The following GSPT1 variants were observed in gnomAD, a reference collection of about 807,000 sequenced individuals.
The protein encoded by GSPT1 is eukaryotic peptide chain release factor GTP-binding subunit ERF3A.
In GSPT1, 20 loss-of-function variants were observed where a neutral mutation model predicts 72.5. The ratio of observed to expected loss-of-function variants is 0.28; its 90% CI spans 0.19 to 0.40. The LOEUF (loss-of-function observed/expected upper bound fraction) is 0.40, where lower values mean the gene tolerates loss of function less well. Among genes scored for constraint, GSPT1 ranks in the 10% least tolerant of loss-of-function variants. The probability of loss-of-function intolerance (pLI) is 1.00; values close to 1 mark genes in which losing one functional copy is unlikely to be tolerated. For synonymous variants in GSPT1, 334 were observed against 293.5 expected (o/e 1.14, Z -1.41); for missense variants, 580 against 811.9 (o/e 0.71, Z 3.47).
At chr16:11,911,304 C>T (rs1019094202) in intron 1 of GSPT1, among the ~76,000 whole-genome samples, 1 of 152,192 alleles carries the variant, frequency 6.6e-6, no homozygotes, top group African/African-American at 2.4e-5. Flanking sequence ...CAGCTTAAAA[C>T]TGAGAATATT....
rs775362322 is a variant in GSPT1 at position 11,902,404 on chromosome 16, C to CAAA, written c.353-4372_353-4370dup. Among the ~76,000 whole-genome samples, 127 of 61,360 alleles carry CAAA rather than the reference C, an allele frequency of 2.1e-3. 2 individuals are homozygous for CAAA. Among genetic ancestry groups the CAAA allele is most frequent in the African/African-American group, 5.8e-3 (86 of 14,924 alleles). The allele number at this position is 61,360 out of a possible 152,430, so 40.3% of individuals were successfully genotyped here. A position where few individuals can be genotyped will look rare whatever the true frequency, so the allele number is the denominator to read the frequency against. On this transcript the variant is annotated intron_variant, in intron 1 of 14. Transcript: ENST00000434724. ...AAACAGACAGAGCAGGACTCTGTCT[C>CAAA]AAAAAAAAAAAAAAAAAAAAAAGAG...
At position 11,915,873 on chromosome 16, in the gene GSPT1, C is replaced by T; in HGVS notation, c.-153G>A. On this transcript the variant is annotated 5_prime_UTR_variant, in exon 1 of 15. Transcript: ENST00000434724. ...AAGATCCCCGGCGTCGCCGCGGCAG[C>T]AGCTCCAGTCCCGACTCCACACTCG... is the stretch of plus-strand genomic sequence containing the variant. 1 of 1,160,054 alleles carries T rather than the reference C, an allele frequency of 8.6e-7. No individual in the cohort carries two copies. The highest frequency in any genetic ancestry group is 1.3e-6 in the Non-Finnish European group (1 of 786,094). The allele number at this position is 1,160,054 out of a possible 1,614,324, so 71.9% of individuals were successfully genotyped here. A position where few individuals can be genotyped will look rare whatever the true frequency, so the allele number is the denominator to read the frequency against.
intron 14 of GSPT1, among the ~76,000 whole-genome samples, chr16:11,873,460 G>C (rs1359127719): frequency 6.6e-6 from 1 of 151,984 alleles, no homozygotes; most frequent in East Asian, 1.9e-4. Flanking sequence ...ACAGATGCCT[G>C]CCACCACGCC....
Position 11,915,781 on chromosome 16 carries a change from C to A in GSPT1, c.-61G>T. The stretch of plus-strand genomic sequence containing the variant: ...GGGAAATGGAGGCAGGGGCGCCCGG[C>A]CGGAGAGGAGTGGGCAACGCTGACT... On this transcript the variant is annotated 5_prime_UTR_variant, in exon 1 of 15. Transcript: ENST00000434724. The A allele has an allele frequency of 6.3e-7, 1 of 1,576,276 alleles. No homozygotes were observed. The highest frequency in any genetic ancestry group is 8.6e-7 in the Non-Finnish European group (1 of 1,167,578).
chr16:11,876,278 A>T (rs2054045108), intron 12 of GSPT1, 103 bp from the exon 13 acceptor site: 2 of 759,024 alleles, frequency 2.6e-6, no homozygotes, highest in African/African-American at 1.7e-5. Flanking sequence ...TTACCATCTC[A>T]CTAGGACATC....
In GSPT1 at chr16:11,915,663, C is replaced by A; in HGVS notation, c.58G>T (p.Gly20Cys). ...GGCGCCGAGTCGCTGCTGCTGCTGC[C>A]GCTGCTGCTCCCGCCGCCGCCGCCG... ...GGGGGGGSSS[G>C]SSSSDSAPDC... The change falls in exon 1 of 15, where the codon GGC becomes TGC. Residue 20 changes from glycine (G) to cysteine (C), a missense_variant. Gly to Cys is a radical substitution (Grantham distance 159). This residue lies in a region of GSPT1 where 327 missense variants were observed against 298.8 expected (regional missense o/e 1.09). Coordinates refer to ENST00000434724, the MANE Select transcript of GSPT1 (RefSeq NM_002094.4). 6.7e-7 allele frequency: 1 copy of A among 1,485,378 alleles called. No homozygotes were observed. The highest frequency in any genetic ancestry group is 2.3e-5 in the Admixed American group (1 of 43,476). The allele number at this position is 1,485,378 out of a possible 1,614,324, so 92.0% of individuals were successfully genotyped here. A position where few individuals can be genotyped will look rare whatever the true frequency, so the allele number is the denominator to read the frequency against.
At position 11,889,332 on chromosome 16, in the gene GSPT1, T is replaced by C. The variant is rs866545035; in HGVS notation, c.777-1582A>G. Among the ~76,000 whole-genome samples the C allele has an allele frequency of 2.1e-3, 254 of 122,256 alleles. 1 individual carries two copies. The highest frequency in any genetic ancestry group is 6.9e-3 in the African/African-American group (214 of 31,218). The allele number at this position is 122,256 out of a possible 152,430, so 80.2% of individuals were successfully genotyped here. On this transcript the variant is annotated intron_variant, in intron 6 of 14. Coordinates refer to ENST00000434724, the MANE Select transcript of GSPT1 (RefSeq NM_002094.4). Reference sequence around the variant, plus strand: ...CGGCACCCCCACCCCTCTTCTTCTTTTTTTTTTTTTTTTTTTTTTTTTTTG... The same window carrying C: ...CGGCACCCCCACCCCTCTTCTTCTTCTTTTTTTTTTTTTTTTTTTTTTTTG...
At chr16:11,896,930 T>C in intron 3 of GSPT1, 145 bp from the exon 4 acceptor site, 1 of 632,036 alleles carries the variant, frequency 1.6e-6, no homozygotes, top group South Asian at 2.0e-5. Flanking sequence ...GGAAAACCTC[T>C]TTCATAGCAG....
At chr16:11,884,912 T>C (rs33650) in intron 10 of GSPT1, among the ~76,000 whole-genome samples, 79,508 of 150,888 alleles carry the variant, frequency 0.53, 22,703 homozygotes, top group East Asian at 0.82. Flanking sequence ...ACTAAAAATA[T>C]AAAAAATTAG....
At chr16:11,885,575 C>T (rs1392110919) in intron 9 of GSPT1, among the ~76,000 whole-genome samples, 1 of 152,044 alleles carries the variant, frequency 6.6e-6, no homozygotes, top group African/African-American at 2.4e-5. Flanking sequence ...AACCAAGATT[C>T]TATAAAATAA....
intron 1 of GSPT1, 131 bp downstream of exon 1, chr16:11,915,238 A>T (rs2054616646): frequency 8.7e-7 from 1 of 1,146,742 alleles, no homozygotes; most frequent in Non-Finnish European, 1.1e-6. Flanking sequence ...CGCCCCACCC[A>T]GGCAGACGGC....
At chr16:11,915,155 G>C (rs1327380143) in intron 1 of GSPT1, 1 of 1,032,752 alleles carries the variant, frequency 9.7e-7, no homozygotes, top group African/African-American at 1.7e-5. Context: ...CTTTGGGCGC[G>C]CTGCCCGCTG....
Position 11,915,586 on chromosome 16 carries a change from G to A in GSPT1, c.135C>T (p.Gly45=), listed in dbSNP as rs1430490053. The A allele has an allele frequency of 1.3e-6, 2 of 1,485,910 alleles. No homozygotes were observed. Among genetic ancestry groups the A allele is most frequent in the Non-Finnish European group, 1.8e-6 (2 of 1,118,934 alleles). The allele number at this position is 1,485,910 out of a possible 1,614,324, so 92.0% of individuals were successfully genotyped here. The change falls in exon 1 of 15, where the codon GGC becomes GGT. Residue 45 remains glycine, a synonymous_variant. Coordinates refer to ENST00000434724, the MANE Select transcript of GSPT1 (RefSeq NM_002094.4). The stretch of plus-strand genomic sequence containing the variant: ...CCGCCGCCGCCAGGGAGCCGCCGCC[G>A]CCGCAAGGGCCCGGCCCGGGGGCTT... ...DMEAPGPGPC[G]GGGSLAAAAE... is the part of the protein sequence containing the mutation.
Position 11,873,651 on chromosome 16 carries a change from G to A in GSPT1, c.1862-480C>T, listed in dbSNP as rs552041342. ...CACCCAGGCTGGAGTGCAGTGGTGC[G>A]ACTTCAGCTGACTGCAACCTCCTCC... On this transcript the variant is annotated intron_variant, in intron 14 of 14. Transcript: ENST00000434724. Among the ~76,000 whole-genome samples, 6 of 152,014 alleles carry A rather than the reference G, an allele frequency of 3.9e-5. No individual in the cohort carries two copies. The South Asian group carries it at 8.3e-4, about 21-fold the overall frequency.
chr16:11,876,530 C>T (rs1157588457), intron 12 of GSPT1, among the ~76,000 whole-genome samples: 5 of 152,026 alleles, frequency 3.3e-5, no homozygotes, highest in African/African-American at 7.2e-5. Flanking sequence ...TCACCTGAGG[C>T]CAGGAGTTCA....
chr16:11,877,525 G>T lies in GSPT1; in HGVS notation c.1484C>A (p.Ala495Asp). 6.2e-7 allele frequency: 1 copy of T among 1,610,914 alleles called. No homozygotes were observed. The highest frequency in any genetic ancestry group is 8.5e-7 in the Non-Finnish European group (1 of 1,177,526). ...TCTGATTTTGAGGTTTTCACCTGGG[G>T]CTACGGTATCAGTCTCTACATCATC... Reference protein sequence around the residue: ...LSDDVETDTVAPGENLKIRLK... With the variant: ...LSDDVETDTVDPGENLKIRLK... The change falls in exon 12 of 15, where the codon GCC becomes GAC. Residue 495 changes from alanine to aspartate, a missense_variant. Around this residue, in one of 6 missense-constraint regions of GSPT1, gnomAD observed 120 missense variants for 242.5 expected, o/e 0.49. Coordinates refer to ENST00000434724, the MANE Select transcript of GSPT1 (RefSeq NM_002094.4). This position sits in a 1 kb window ranked among gnomAD's most constrained non-coding sequence, Gnocchi z 4.0.
At position 11,897,880 on chromosome 16, in the gene GSPT1, A is replaced by G; in HGVS notation, c.396T>C (p.Gly132=). The change falls in exon 3 of 15, where the codon GGT becomes GGC. Residue 132 remains glycine (G), a splice_region_variant and synonymous_variant. Transcript: ENST00000434724. The stretch of plus-strand genomic sequence containing the variant: ...GTTCCATGCTAACAGCTGAATTTGA[A>G]CCTAGACAAGAGATTGAAATATAAT... ...SSQEEQSLCE[G]SNSAVSMELS... 6.5e-7 allele frequency: 1 copy of G among 1,541,850 alleles called. No homozygotes were observed. Among genetic ancestry groups the G allele is most frequent in the Non-Finnish European group, 8.8e-7 (1 of 1,132,178 alleles).
At chr16:11,885,104 T>A in intron 10 of GSPT1, 77 bp downstream of exon 10, 1 of 720,220 alleles carries the variant, frequency 1.4e-6, no homozygotes, top group Non-Finnish European at 2.4e-6. Context: ...AGAAAAAAAG[T>A]TTTCAAAACT....
chr16:11,915,930 T>G lies in GSPT1; in HGVS notation c.-210A>C. On this transcript the variant is annotated 5_prime_UTR_variant, in exon 1 of 15. Coordinates refer to ENST00000434724, the MANE Select transcript of GSPT1 (RefSeq NM_002094.4). ...CGACAGAGGCGGCGGCGGCGGCAGC[T>G]CAACCCTCCTCCTCGTGTGTGTGAG... The G allele has an allele frequency of 1.3e-6, 1 of 758,314 alleles. No homozygotes were observed. Among genetic ancestry groups the G allele is most frequent in the East Asian group, 2.6e-5 (1 of 39,032 alleles). 47.0% of individuals were successfully genotyped at this position (758,314 alleles called of 1,614,324 possible).
Sources: gnomAD v4.1 joint callset for allele counts (sites outside exome capture counted in the v4.1 genomes callset) on GRCh38, gnomAD v4.1.1 for gene constraint, gnomAD v4.1.1 regional missense constraint, Gnocchi (gnomAD v3.1) non-coding constraint, MANE v1.5 for transcripts, NCBI Gene and HGNC (gene_info 2026-07-23, HGNC 2026-07-21) for gene names.